NUP107: variants seen among roughly 807,000 people sequenced by gnomAD.
NUP107 encodes nuclear pore complex protein Nup107.
A neutral mutation model predicts 141.0 loss-of-function variants in NUP107; 101 were observed. The observed-to-expected ratio is 0.72, with a 90% confidence interval of 0.61 to 0.84. The LOEUF is 0.84. Ranked by LOEUF, NUP107 falls within the 40% of genes least tolerant of loss-of-function variation. The pLI is 0.00. For synonymous variants in NUP107, 319 were observed against 363.9 expected (o/e 0.88, Z 1.41); for missense variants, 941 against 1,102.7 (o/e 0.85, Z 2.08).
chr12:68,735,916 A>G (rs1375072033), intron 26 of NUP107, among the ~76,000 whole-genome samples: 1 of 152,236 alleles, frequency 6.6e-6, no homozygotes, highest in Admixed American at 6.5e-5. Context: ...TGAGTCCAGG[A>G]AAAGAAAAGA....
At chr12:68,709,619 G>A (rs868111647) in intron 9 of NUP107, among the ~76,000 whole-genome samples, 66 of 152,030 alleles carry the variant, frequency 4.3e-4, no homozygotes, top group South Asian at 4.1e-4. Context: ...TTTAAAATCA[G>A]AAACTTCACG....
At chr12:68,691,162 G>A (rs1875767327) in intron 4 of NUP107, among the ~76,000 whole-genome samples, 1 of 152,184 alleles carries the variant, frequency 6.6e-6, no homozygotes. Context: ...TATATGGATT[G>A]AAATAATTAG....
intron 18 of NUP107, 107 bp from the exon 19 acceptor site, chr12:68,726,392 C>T (rs1877564224): frequency 2.9e-6 from 2 of 690,394 alleles, no homozygotes; most frequent in Non-Finnish European, 5.0e-6. Context: ...AATTATGAGA[C>T]AGTGACTTGA....
At chr12:68,741,583 T>C (rs576568374) in intron 26 of NUP107, among the ~76,000 whole-genome samples, 79 of 152,342 alleles carry the variant, frequency 5.2e-4, no homozygotes, top group African/African-American at 1.9e-3. Flanking sequence ...TCATTCTTTT[T>C]ATGCATGTTT....
chr12:68,715,681 G>T lies in NUP107; in HGVS notation c.1024G>T (p.Asp342Tyr). Residue 342 changes from aspartate (D) to tyrosine (Y), a missense_variant, in exon 12 of 28, where the codon GAT (aspartate) becomes TAT (tyrosine). By Grantham distance (160) the Asp-to-Tyr change is radical. Transcript: ENST00000229179. Reference protein sequence around the residue: ...KMPLDDLDREDEVRLLKYLFT... With the variant: ...KMPLDDLDREYEVRLLKYLFT... Reference sequence around the variant, plus strand: ...GCCCCTTGATGATCTGGATAGAGAAGATGAAGTTAGATTACTCAAATATCT... The same window carrying T: ...GCCCCTTGATGATCTGGATAGAGAATATGAAGTTAGATTACTCAAATATCT... The T allele has an allele frequency of 6.2e-7, 1 of 1,613,404 alleles. No homozygotes were observed. Among genetic ancestry groups the T allele is most frequent in the Non-Finnish European group, 8.5e-7 (1 of 1,179,494 alleles).
intron 15 of NUP107, among the ~76,000 whole-genome samples, 170 bp downstream of exon 15, chr12:68,721,347 C>A (rs1456834488): frequency 6.6e-6 from 1 of 152,026 alleles, no homozygotes; most frequent in African/African-American, 2.4e-5. Context: ...ACTTGTTCTG[C>A]TTAATTTGAT....
At chr12:68,706,848 T>C in intron 8 of NUP107, 2 of 757,946 alleles carry the variant, frequency 2.6e-6, no homozygotes, top group Non-Finnish European at 4.8e-6. Context: ...ATGCAGAACA[T>C]GAGTATCCAT....
At chr12:68,733,040 G>A (rs552282975) in intron 23 of NUP107, among the ~76,000 whole-genome samples, 2 of 151,900 alleles carry the variant, frequency 1.3e-5, no homozygotes, top group Non-Finnish European at 1.5e-5. Flanking sequence ...AATTTGGGGT[G>A]GGGGGTTGCT....
intron 26 of NUP107, among the ~76,000 whole-genome samples, chr12:68,738,600 C>T (rs979031808): frequency 5.9e-5 from 9 of 152,216 alleles, no homozygotes; most frequent in African/African-American, 2.2e-4. Context: ...CGGCTGTACA[C>T]AATAGCCCTA....
intron 12 of NUP107, among the ~76,000 whole-genome samples, chr12:68,716,424 T>A (rs1176090200): frequency 1.3e-5 from 2 of 151,596 alleles, no homozygotes; most frequent in Non-Finnish European, 2.9e-5. Context: ...ACAGACGGAG[T>A]CTTACTATGT....
chr12:68,724,125 C>A (rs998962836), intron 17 of NUP107, among the ~76,000 whole-genome samples: 1 of 151,442 alleles, frequency 6.6e-6, no homozygotes, highest in African/African-American at 2.4e-5. Flanking sequence ...TAGCCAGATA[C>A]AAGACAACGT....
intron 5 of NUP107, 46 bp downstream of exon 5, chr12:68,692,158 A>G: frequency 6.7e-7 from 1 of 1,484,696 alleles, no homozygotes; most frequent in South Asian, 1.4e-5. Flanking sequence ...TCACTTTAGC[A>G]AGATGAAGGA....
Position 68,690,694 on chromosome 12 carries a change from G to T in NUP107, c.251G>T (p.Gly84Val), listed in dbSNP as rs779902780. 1.2e-6 allele frequency: 2 copies of T among 1,614,176 alleles called. No homozygotes were observed. The highest frequency in any genetic ancestry group is 1.7e-6 in the Non-Finnish European group (2 of 1,180,008). ...PDISCILGTG[G>V]KSPRLTQSSG... is the part of the protein sequence containing the mutation. Reference sequence around the variant, plus strand: ...ATTTCCTGCATTCTTGGAACAGGAGGGAAGTCGCCCCGACTTACGCAGTCT... The same window carrying T: ...ATTTCCTGCATTCTTGGAACAGGAGTGAAGTCGCCCCGACTTACGCAGTCT... The change falls in exon 4 of 28, where the codon GGG becomes GTG. Residue 84 changes from glycine (G) to valine (V), a missense_variant. Physicochemically the swap from Gly to Val is moderately radical, Grantham distance 109 (BLOSUM62 -3). Transcript: ENST00000229179.
intron 8 of NUP107, 38 bp from the exon 9 acceptor site, chr12:68,709,200 T>C (rs1402239717): frequency 7.6e-7 from 1 of 1,319,366 alleles, no homozygotes; most frequent in African/African-American, 1.5e-5. Context: ...AGCATCTTCT[T>C]TTCATTCTGT....
At position 68,729,537 on chromosome 12, in the gene NUP107, G is replaced by C. The variant is rs192685203; in HGVS notation, c.1735-1573G>C. ...CTGCCACTGCAGCCTCTGCCTCACCGGGGTCAAGCGATTCTCTGGCCTCAG... is the reference window on the plus strand; with the variant it reads ...CTGCCACTGCAGCCTCTGCCTCACCCGGGTCAAGCGATTCTCTGGCCTCAG... On this transcript the variant is annotated intron_variant, in intron 20 of 27. Coordinates refer to ENST00000229179, the MANE Select transcript of NUP107 (RefSeq NM_020401.4). Among the ~76,000 whole-genome samples the C allele has an allele frequency of 4.5e-3, 678 of 151,382 alleles. 5 individuals are homozygous for C. The highest frequency in any genetic ancestry group is 0.016 in the African/African-American group (647 of 41,236).
At chr12:68,715,104 A>C (rs146576359) in intron 11 of NUP107, among the ~76,000 whole-genome samples, 4 of 152,186 alleles carry the variant, frequency 2.6e-5, no homozygotes, top group Non-Finnish European at 4.4e-5. Context: ...GGGCCAACTG[A>C]GTATGTTTTA....
chr12:68,733,736 G>A lies in NUP107; in HGVS notation c.2262+124G>A. The A allele has an allele frequency of 1.2e-5, 11 of 886,718 alleles. No individual in the cohort carries two copies. The South Asian group carries it at 2.0e-4, about 16-fold the overall frequency. 54.9% of individuals were successfully genotyped at this position (886,718 alleles called of 1,614,324 possible). On this transcript the variant is annotated intron_variant, in intron 24 of 27. Transcript: ENST00000229179. ...ATCTTACCTCTCTTGTGACTATAGT[G>A]CTGACTCATCCACAAGGGGACTGAC...
At chr12:68,703,352 C>T (rs1040826970) in intron 8 of NUP107, among the ~76,000 whole-genome samples, 1 of 152,056 alleles carries the variant, frequency 6.6e-6, no homozygotes, top group Non-Finnish European at 1.5e-5. Context: ...TTTATAGATA[C>T]ATACATATAT....
intron 17 of NUP107, among the ~76,000 whole-genome samples, chr12:68,722,986 A>G (rs1196996004): frequency 1.1e-4 from 17 of 152,320 alleles, no homozygotes; most frequent in African/African-American, 4.1e-4. Flanking sequence ...ATAAATAAGT[A>G]TATGCTTTAT....
Sources: gnomAD v4.1 joint callset for allele counts (sites outside exome capture counted in the v4.1 genomes callset) on GRCh38, gnomAD v4.1.1 for gene constraint, MANE v1.5 for transcripts, NCBI Gene and HGNC (gene_info 2026-07-23, HGNC 2026-07-21) for gene names.